Variants in ADGRL4 observed in about 807,000 individuals in gnomAD.
ADGRL4 encodes the protein adhesion G protein-coupled receptor L4.
In ADGRL4, 90 loss-of-function variants were observed where a neutral mutation model predicts 74.8. That is an observed-to-expected ratio of 1.20 (90% CI 1.02 to 1.43). The LOEUF is 1.43. Among genes scored for constraint, ADGRL4 ranks in the 40% most tolerant of loss-of-function variants. The pLI is 0.00. For missense variants in ADGRL4, 881 were observed against 814.3 expected (o/e 1.08, Z -1.00); for synonymous variants, 311 against 279.2 (o/e 1.11, Z -1.14).
chr1:78,936,867 C>T (rs1649366417), intron 6 of ADGRL4, among the ~76,000 whole-genome samples: 1 of 152,020 alleles, frequency 6.6e-6, no homozygotes, highest in Admixed American at 6.6e-5. Context: ...AGTCATAATG[C>T]TTGAAACTTT....
intron 2 of ADGRL4, among the ~76,000 whole-genome samples, chr1:78,965,886 T>G (rs1650046216): frequency 6.6e-6 from 1 of 151,974 alleles, no homozygotes; most frequent in African/African-American, 2.4e-5. Flanking sequence ...CTCTAAAATA[T>G]TAAGCAAGGT....
At chr1:78,934,738 G>A (rs1158831076) in intron 7 of ADGRL4, among the ~76,000 whole-genome samples, 6 of 152,026 alleles carry the variant, frequency 3.9e-5, no homozygotes, top group Admixed American at 3.9e-4. Flanking sequence ...TCAAAAAGTG[G>A]GCAAAGGATA....
intron 2 of ADGRL4, among the ~76,000 whole-genome samples, chr1:78,956,014 C>T (rs1156457026): frequency 6.6e-6 from 1 of 152,086 alleles, no homozygotes; most frequent in African/African-American, 2.4e-5. Flanking sequence ...TCTAATATGA[C>T]TTTGAATTAC....
intron 2 of ADGRL4, among the ~76,000 whole-genome samples, chr1:78,975,147 G>A (rs1650252124): frequency 6.6e-6 from 1 of 152,062 alleles, no homozygotes. Context: ...TCATAAATTA[G>A]AATTGGCAGT....
intron 2 of ADGRL4, among the ~76,000 whole-genome samples, chr1:78,978,844 T>C (rs988387712): frequency 6.6e-6 from 1 of 152,090 alleles, no homozygotes; most frequent in African/African-American, 2.4e-5. Flanking sequence ...CACAAGTTAA[T>C]CTAATGCCAA....
intron 2 of ADGRL4, among the ~76,000 whole-genome samples, chr1:78,960,259 C>T (rs1037332516): frequency 6.6e-6 from 1 of 151,952 alleles, no homozygotes; most frequent in Admixed American, 6.6e-5. Context: ...TTTGCAAAAA[C>T]TAGTCCGATT....
chr1:78,961,619 G>A (rs1403377948), intron 2 of ADGRL4, among the ~76,000 whole-genome samples: 1 of 152,112 alleles, frequency 6.6e-6, no homozygotes, highest in East Asian at 1.9e-4. Flanking sequence ...ATGACCTACT[G>A]TCTGCCAGGT....
chr1:78,965,011 G>A (rs2100711630), intron 2 of ADGRL4, among the ~76,000 whole-genome samples: 1 of 73,474 alleles, frequency 1.4e-5, no homozygotes, highest in Admixed American at 1.9e-4. Flanking sequence ...AGAGACAGTG[G>A]CTGTAAATAG....
chr1:78,927,248 T>C (rs1649136827), intron 7 of ADGRL4, among the ~76,000 whole-genome samples, 157 bp from the exon 8 acceptor site: 1 of 152,098 alleles, frequency 6.6e-6, no homozygotes, highest in Non-Finnish European at 1.5e-5. Context: ...AGCCTATGCC[T>C]GCATTGTTAA....
chr1:78,963,321 C>G (rs896192657), intron 2 of ADGRL4, among the ~76,000 whole-genome samples: 36 of 152,266 alleles, frequency 2.4e-4, no homozygotes, highest in African/African-American at 7.5e-4. Flanking sequence ...TCCACATTCC[C>G]TTTGCCCCAA....
intron 2 of ADGRL4, among the ~76,000 whole-genome samples, chr1:78,985,984 A>G (rs1650485923): frequency 6.6e-6 from 1 of 151,800 alleles, no homozygotes; most frequent in Non-Finnish European, 1.5e-5. Flanking sequence ...GTATATGTGG[A>G]TATAAAGAAG....
At chr1:78,902,452 G>T (rs1216052273) in intron 12 of ADGRL4, among the ~76,000 whole-genome samples, 1 of 151,964 alleles carries the variant, frequency 6.6e-6, no homozygotes, top group East Asian at 1.9e-4. Flanking sequence ...CACATTTATG[G>T]CAACAGAGGC....
chr1:78,907,200 A>G (rs1453408153), intron 12 of ADGRL4, among the ~76,000 whole-genome samples: 3 of 152,084 alleles, frequency 2.0e-5, no homozygotes. Context: ...TATAGTAATG[A>G]TTTTCTAAGA....
intron 14 of ADGRL4, 49 bp from the exon 15 acceptor site, chr1:78,891,265 A>G (rs1648266568): frequency 1.3e-6 from 2 of 1,528,050 alleles, no homozygotes; most frequent in Non-Finnish European, 1.8e-6. Context: ...TAACAATCAC[A>G]TTTAATTTCT....
chr1:78,981,690 T>C (rs997732545), intron 2 of ADGRL4, among the ~76,000 whole-genome samples: 1 of 151,702 alleles, frequency 6.6e-6, no homozygotes, highest in Non-Finnish European at 1.5e-5. Context: ...CTTACAGAAA[T>C]AAATAAAGTT....
At chr1:79,005,346 T>C in intron 1 of ADGRL4, 127 bp from the exon 2 acceptor site, 1 of 786,020 alleles carries the variant, frequency 1.3e-6, no homozygotes, top group Non-Finnish European at 1.8e-6. Context: ...TATAAATTTT[T>C]CCCAAGAGAG....
At chr1:78,946,556 A>G in intron 2 of ADGRL4, 130 bp from the exon 3 acceptor site, 1 of 684,474 alleles carries the variant, frequency 1.5e-6, no homozygotes, top group South Asian at 2.5e-5. Flanking sequence ...TACAAACCTT[A>G]GTGCTAAAGA....
chr1:78,912,624 T>C (rs959572862), intron 12 of ADGRL4, among the ~76,000 whole-genome samples: 1 of 151,864 alleles, frequency 6.6e-6, no homozygotes, highest in African/African-American at 2.4e-5. Flanking sequence ...TGGGGATTGC[T>C]GATTTAAAAA....
In ADGRL4 at chr1:78,927,174, T is replaced by C. The variant is rs1194717373; in HGVS notation, c.878-83A>G. Reference sequence around the variant, plus strand: ...TCTTAAGATAAACATAAAAATTGAATAGACAAACATTTTACTTTAGAAATT... The same window carrying C: ...TCTTAAGATAAACATAAAAATTGAACAGACAAACATTTTACTTTAGAAATT... On this transcript the variant is annotated intron_variant, in intron 7 of 14. Transcript: ENST00000370742. The C allele has an allele frequency of 2.5e-5, 22 of 884,872 alleles. No individual in the cohort carries two copies. The East Asian group carries it at 5.5e-4, about 22-fold the overall frequency. 54.8% of individuals were successfully genotyped at this position (884,872 alleles called of 1,614,324 possible).
Sources: gnomAD v4.1 joint callset for allele counts (sites outside exome capture counted in the v4.1 genomes callset) on GRCh38, gnomAD v4.1.1 for gene constraint, MANE v1.5 for transcripts, NCBI Gene and HGNC (gene_info 2026-07-23, HGNC 2026-07-21) for gene names.